MGAT4C: variants seen among roughly 807,000 people sequenced by gnomAD.
The protein encoded by MGAT4C is alpha-1,3-mannosyl-glycoprotein 4-beta-N-acetylglucosaminyltransferase C.
A neutral mutation model predicts 40.1 loss-of-function variants in MGAT4C; 19 were observed. The ratio of observed to expected loss-of-function variants is 0.47; its 90% CI spans 0.33 to 0.70. The LOEUF (loss-of-function observed/expected upper bound fraction) is 0.70, where lower values mean the gene tolerates loss of function less well. MGAT4C is among the 30% of genes least tolerant of loss of function. The probability of loss-of-function intolerance (pLI) is 0.02; values close to 1 mark genes in which losing one functional copy is unlikely to be tolerated. For missense variants in MGAT4C, 491 were observed against 563.2 expected (o/e 0.87, Z 1.30); for synonymous variants, 181 against 187.1 (o/e 0.97, Z 0.27).
chr12:86,039,573 G>C (rs1891599249), intron 2 of MGAT4C, among the ~76,000 whole-genome samples: 1 of 151,994 alleles, frequency 6.6e-6, no homozygotes, highest in African/African-American at 2.4e-5. Flanking sequence ...AGCTCCATCA[G>C]GTCTTTTATG....
intron 2 of MGAT4C, among the ~76,000 whole-genome samples, chr12:86,618,565 A>T (rs1335691322): frequency 1.3e-5 from 2 of 152,188 alleles, no homozygotes; most frequent in Non-Finnish European, 2.9e-5. Context: ...TAAGTGAATT[A>T]AGCCAGGAAC....
chr12:86,333,982 A>C (rs530912374), intron 4 of MGAT4C: 1 of 152,260 alleles, frequency 6.6e-6, no homozygotes, highest in South Asian at 2.1e-4. Context: ...ATCTCATTAT[A>C]TATCTTAACA....
chr12:86,257,538 G>T (rs1952557219), upstream of MGAT4C, among the ~76,000 whole-genome samples: 1 of 152,190 alleles, frequency 6.6e-6, no homozygotes, highest in Non-Finnish European at 1.5e-5. Context: ...TTAGGGAAAG[G>T]AAAGTCACCA....
At chr12:85,992,138 C>G (rs566690622) in intron 2 of MGAT4C, among the ~76,000 whole-genome samples, 8 of 152,266 alleles carry the variant, frequency 5.3e-5, no homozygotes, top group Admixed American at 4.6e-4. Flanking sequence ...CTCTAACTTC[C>G]ACAACAGTCA....
chr12:86,486,327 T>C (rs1416894189), intron 2 of MGAT4C, among the ~76,000 whole-genome samples: 1 of 151,314 alleles, frequency 6.6e-6, no homozygotes, highest in Non-Finnish European at 1.5e-5. Flanking sequence ...ATGTCACATC[T>C]AATGACATGT....
chr12:86,249,871 C>A (rs1952194945), intron 1 of MGAT4C, among the ~76,000 whole-genome samples: 1 of 152,170 alleles, frequency 6.6e-6, no homozygotes, highest in South Asian at 2.1e-4. Flanking sequence ...CAGATTTTTA[C>A]ACATAGAATA....
At chr12:86,727,521 G>A (rs562947379) in intron 1 of MGAT4C, among the ~76,000 whole-genome samples, 2 of 152,072 alleles carry the variant, frequency 1.3e-5, no homozygotes, top group South Asian at 4.2e-4. Context: ...CTTAAATATT[G>A]CTAGAGAGGA....
At chr12:86,163,609 T>G (rs1267417679) in intron 1 of MGAT4C, among the ~76,000 whole-genome samples, 1 of 152,138 alleles carries the variant, frequency 6.6e-6, no homozygotes, top group African/African-American at 2.4e-5. Context: ...ATTGAATAAA[T>G]CCATGTTATC....
At chr12:86,237,203 TA>T (rs1011178981) in intron 1 of MGAT4C, among the ~76,000 whole-genome samples, 5 of 151,458 alleles carry the variant, frequency 3.3e-5, no homozygotes, top group Non-Finnish European at 7.4e-5. Flanking sequence ...ATCTACTTAA[TA>T]AAACAGTGTG....
intron 2 of MGAT4C, among the ~76,000 whole-genome samples, chr12:86,654,794 C>T (rs764672098): frequency 2.0e-5 from 3 of 150,936 alleles, no homozygotes; most frequent in Non-Finnish European, 4.4e-5. Flanking sequence ...ATTAAAGAAA[C>T]TGCATCATAT....
chr12:86,185,195 A>C (rs1888616241), intron 1 of MGAT4C, among the ~76,000 whole-genome samples: 1 of 152,164 alleles, frequency 6.6e-6, no homozygotes, highest in Admixed American at 6.6e-5. Context: ...CTTTTGTGTG[A>C]CTATATTCAT....
intron 4 of MGAT4C, among the ~76,000 whole-genome samples, chr12:86,327,101 A>G (rs1954546611): frequency 6.6e-6 from 1 of 152,134 alleles, no homozygotes; most frequent in Non-Finnish European, 1.5e-5. Context: ...AATGCAAAAC[A>G]AACTATAAAA....
At chr12:86,415,389 A>G (rs1956688315) in intron 3 of MGAT4C, among the ~76,000 whole-genome samples, 2 of 151,970 alleles carry the variant, frequency 1.3e-5, no homozygotes, top group South Asian at 4.1e-4. Context: ...TAATTACAAC[A>G]TGGTACCTGT....
intron 3 of MGAT4C, among the ~76,000 whole-genome samples, chr12:86,381,444 C>T (rs1207164113): frequency 2.0e-5 from 3 of 152,106 alleles, no homozygotes; most frequent in Admixed American, 2.0e-4. Context: ...AGTCCAAAGG[C>T]CTGTGAGCCT....
At chr12:86,631,603 C>G (rs528852439) in intron 2 of MGAT4C, among the ~76,000 whole-genome samples, 4 of 151,960 alleles carry the variant, frequency 2.6e-5, no homozygotes, top group African/African-American at 9.7e-5. Context: ...TAACACCACA[C>G]TTCTACAACC....
At chr12:86,106,268 C>CGTTTA (rs199922200) in intron 1 of MGAT4C, among the ~76,000 whole-genome samples, 5,597 of 151,696 alleles carry the variant, frequency 0.037, 344 homozygotes, top group African/African-American at 0.12. Flanking sequence ...AAGCAGCACT[C>CGTTTA]GTTTAGTTTA....
chr12:86,330,155 C>T (rs1954628417), intron 4 of MGAT4C, among the ~76,000 whole-genome samples: 1 of 152,036 alleles, frequency 6.6e-6, no homozygotes, highest in Non-Finnish European at 1.5e-5. Context: ...TTTGAGGACC[C>T]TAATGTGATA....
intron 1 of MGAT4C, among the ~76,000 whole-genome samples, chr12:86,113,744 G>A (rs970275019): frequency 4.6e-5 from 7 of 151,852 alleles, no homozygotes; most frequent in Non-Finnish European, 1.0e-4. Context: ...TAAGATTCCT[G>A]CACTAGTTGA....
chr12:86,192,257 A>G (rs1161917220), intron 1 of MGAT4C, among the ~76,000 whole-genome samples: 1 of 152,070 alleles, frequency 6.6e-6, no homozygotes. Flanking sequence ...AAAAGTATAT[A>G]ATGTCCAAAA....
Sources: gnomAD v4.1 joint callset for allele counts (sites outside exome capture counted in the v4.1 genomes callset) on GRCh38, gnomAD v4.1.1 for gene constraint, MANE v1.5 for transcripts, NCBI Gene and HGNC (gene_info 2026-07-23, HGNC 2026-07-21) for gene names.